Variants in ZNF385D observed in about 807,000 individuals in gnomAD.
ZNF385D encodes the protein zinc finger protein 659.
In ZNF385D, 15 loss-of-function variants were observed where a neutral mutation model predicts 35.8. The ratio of observed to expected loss-of-function variants is 0.42; its 90% CI spans 0.28 to 0.64. The LOEUF (loss-of-function observed/expected upper bound fraction) is 0.64, where lower values mean the gene tolerates loss of function less well. ZNF385D is among the 30% of genes least tolerant of loss of function. The probability of loss-of-function intolerance (pLI) is 0.23; values close to 1 mark genes in which losing one functional copy is unlikely to be tolerated. For missense variants in ZNF385D, 474 were observed against 494.6 expected (o/e 0.96, Z 0.39); for synonymous variants, 212 against 186.8 (o/e 1.13, Z -1.10).
At chr3:21,543,129 A>G (rs983878625) in intron 3 of ZNF385D, 5 of 152,444 alleles carry the variant, frequency 3.3e-5, no homozygotes, top group African/African-American at 1.2e-4. Context: ...CCTGGCCAAC[A>G]TGGTGAAACC....
chr3:21,961,099 A>G (rs1014822171), intron 3 of ZNF385D, among the ~76,000 whole-genome samples: 4 of 152,268 alleles, frequency 2.6e-5, no homozygotes, highest in African/African-American at 7.2e-5. Context: ...GAAATAATAA[A>G]TGAGGAGACA....
chr3:22,045,990 G>C (rs1421718899), intron 3 of ZNF385D, among the ~76,000 whole-genome samples: 1 of 152,040 alleles, frequency 6.6e-6, no homozygotes, highest in East Asian at 1.9e-4. Context: ...AATAATGAGG[G>C]AGGGAATCTG....
chr3:22,290,349 T>G (rs144697887), intron 2 of ZNF385D, among the ~76,000 whole-genome samples: 5 of 152,230 alleles, frequency 3.3e-5, no homozygotes, highest in Non-Finnish European at 2.9e-5. Context: ...GAGCTAATTG[T>G]CCACCTTCAG....
At chr3:22,015,471 A>T (rs986797377) in intron 3 of ZNF385D, among the ~76,000 whole-genome samples, 2 of 152,062 alleles carry the variant, frequency 1.3e-5, no homozygotes, top group Non-Finnish European at 2.9e-5. Context: ...GGGCAGCCCC[A>T]CAGCTCACTG....
In ZNF385D at chr3:22,068,100, T is replaced by C. The variant is rs141372412; in HGVS notation, c.325+100717A>G. Reference sequence around the variant, plus strand: ...AATTGAAATAGAAATTAACTGAATTTAAGTAAAATTTAAAATTCAGTAACT... The same window carrying C: ...AATTGAAATAGAAATTAACTGAATTCAAGTAAAATTTAAAATTCAGTAACT... On this transcript the variant is annotated intron_variant, in intron 3 of 5. Transcript: ENST00000494108. Among the ~76,000 whole-genome samples, 1,256 of 152,324 alleles carry C rather than the reference T, an allele frequency of 8.2e-3. 23 individuals carry two copies. The highest frequency in any genetic ancestry group is 0.028 in the African/African-American group (1,162 of 41,574).
chr3:21,701,679 C>A (rs986744074), intron 1 of ZNF385D, among the ~76,000 whole-genome samples: 1 of 152,112 alleles, frequency 6.6e-6, no homozygotes, highest in Non-Finnish European at 1.5e-5. Context: ...CCTGTAAAAT[C>A]AAAAGCAAGC....
At chr3:22,305,871 G>A (rs771903636) in intron 2 of ZNF385D, among the ~76,000 whole-genome samples, 3 of 152,080 alleles carry the variant, frequency 2.0e-5, no homozygotes, top group Non-Finnish European at 4.4e-5. Context: ...TGTTTTGTTT[G>A]GTCTTAAACT....
chr3:21,490,821 C>T (rs1332790540), intron 4 of ZNF385D, among the ~76,000 whole-genome samples: 1 of 140,306 alleles, frequency 7.1e-6, no homozygotes, highest in Non-Finnish European at 1.5e-5. Context: ...AGTGATACCT[C>T]ATTTCAAGTT....
chr3:21,940,785 T>C (rs1701479728), intron 3 of ZNF385D, among the ~76,000 whole-genome samples: 1 of 152,312 alleles, frequency 6.6e-6, no homozygotes, highest in East Asian at 1.9e-4. Context: ...TATATTTATT[T>C]TTAAGGAAGA....
intron 2 of ZNF385D, among the ~76,000 whole-genome samples, chr3:22,303,533 A>G (rs181022965): frequency 1.3e-3 from 198 of 152,134 alleles, no homozygotes; most frequent in Admixed American, 4.4e-3. Flanking sequence ...TTGTCTATGT[A>G]TTCTAAATGA....
chr3:22,242,872 G>A (rs934004768), intron 2 of ZNF385D, among the ~76,000 whole-genome samples: 4 of 150,882 alleles, frequency 2.7e-5, no homozygotes, highest in African/African-American at 9.8e-5. Flanking sequence ...ATTTATAGAA[G>A]AGGGGTATAC....
chr3:22,192,846 G>A (rs777382649), intron 2 of ZNF385D, among the ~76,000 whole-genome samples: 4 of 152,086 alleles, frequency 2.6e-5, no homozygotes, highest in African/African-American at 4.8e-5. Flanking sequence ...TTAATGAACC[G>A]AGCACTGGGT....
At chr3:21,943,946 G>A (rs1220765028) in intron 3 of ZNF385D, among the ~76,000 whole-genome samples, 3 of 152,128 alleles carry the variant, frequency 2.0e-5, no homozygotes, top group African/African-American at 7.2e-5. Flanking sequence ...GTTCAGTAAC[G>A]ATAATTTTAA....
At chr3:22,099,829 A>C (rs1264408941) in intron 3 of ZNF385D, among the ~76,000 whole-genome samples, 5 of 152,044 alleles carry the variant, frequency 3.3e-5, no homozygotes, top group African/African-American at 1.2e-4. Flanking sequence ...GGGGGCTACT[A>C]CTGTAAGAAT....
chr3:21,924,946 TA>T (rs377046334), intron 3 of ZNF385D, among the ~76,000 whole-genome samples: 36 of 152,184 alleles, frequency 2.4e-4, no homozygotes, highest in African/African-American at 7.5e-4. Flanking sequence ...CAGCTAATTC[TA>T]ACAAGACATA....
intron 2 of ZNF385D, among the ~76,000 whole-genome samples, chr3:21,566,530 T>C (rs922149874): frequency 2.0e-5 from 3 of 152,084 alleles, no homozygotes; most frequent in African/African-American, 7.2e-5. Context: ...TTCGGGAGGC[T>C]GAGGCAGGAG....
intron 2 of ZNF385D, among the ~76,000 whole-genome samples, chr3:22,324,113 GA>G (rs1694568015): frequency 6.6e-6 from 1 of 152,110 alleles, no homozygotes; most frequent in Non-Finnish European, 1.5e-5. Flanking sequence ...GCGGGGAAAG[GA>G]ATAGATGGAT....
chr3:21,740,066 A>G (rs1224203332), intron 1 of ZNF385D, among the ~76,000 whole-genome samples: 1 of 152,212 alleles, frequency 6.6e-6, no homozygotes, highest in Non-Finnish European at 1.5e-5. Flanking sequence ...CCCAGTACAC[A>G]TGAAACTTTC....
chr3:21,767,071 C>T (rs944494935), intron 3 of ZNF385D, among the ~76,000 whole-genome samples: 1 of 151,386 alleles, frequency 6.6e-6, no homozygotes, highest in Non-Finnish European at 1.5e-5. Context: ...CCCCCCCACC[C>T]ACCCTCACAC....
Sources: allele counts gnomAD v4.1 joint callset (sites outside exome capture counted in the v4.1 genomes callset), GRCh38; gene constraint gnomAD v4.1.1; transcripts MANE v1.5; gene names NCBI Gene and HGNC (gene_info 2026-07-23, HGNC 2026-07-21).